The following CXCL13 variants were observed in gnomAD, a reference collection of about 807,000 sequenced individuals.
The protein encoded by CXCL13 is C-X-C motif chemokine 13.
A neutral mutation model predicts 12.2 loss-of-function variants in CXCL13; 7 were observed. That is an observed-to-expected ratio of 0.57 (90% CI 0.33 to 1.07). The LOEUF (loss-of-function observed/expected upper bound fraction) is 1.07, where lower values mean the gene tolerates loss of function less well. CXCL13 is among the 50% of genes least tolerant of loss of function. CXCL13 has a pLI of 0.04. For synonymous variants in CXCL13, 47 were observed against 42.4 expected, an observed-to-expected ratio of 1.11 and a Z score of -0.42; for missense variants, 113 against 127.4, an observed-to-expected ratio of 0.89 and a Z score of 0.55.
At chr4:77,607,865 T>G (rs1469838581) in intron 2 of CXCL13, 30 bp downstream of exon 2, 3 of 1,606,740 alleles carry the variant, frequency 1.9e-6, no homozygotes, top group Non-Finnish European at 2.6e-6. Context: ...TAAATAAGAT[T>G]TCCTTCTCCC....
At chr4:77,545,808 G>A (rs894035205) in intron 1 of CXCL13, among the ~76,000 whole-genome samples, 9 of 152,162 alleles carry the variant, frequency 5.9e-5, no homozygotes, top group Non-Finnish European at 1.0e-4. Context: ...GTGAGAGAGG[G>A]CATCCCTGTC....
intron 1 of CXCL13, among the ~76,000 whole-genome samples, chr4:77,581,410 A>C (rs1321161402): frequency 3.3e-5 from 5 of 152,140 alleles, no homozygotes; most frequent in African/African-American, 1.2e-4. Flanking sequence ...AAAATAAAGA[A>C]ATCTCCCACA....
At chr4:77,520,322 A>T (rs4522888) in intron 1 of CXCL13, among the ~76,000 whole-genome samples, 1,977 of 152,230 alleles carry the variant, frequency 0.013, 36 homozygotes, top group African/African-American at 0.029. Context: ...ACCATTTTCA[A>T]GATATTGATT....
At chr4:77,596,024 C>A (rs1434082826) in intron 1 of CXCL13, among the ~76,000 whole-genome samples, 1 of 152,190 alleles carries the variant, frequency 6.6e-6, no homozygotes, top group African/African-American at 2.4e-5. Context: ...ATTAACCACT[C>A]CCTCTGTTGA....
intron 1 of CXCL13, among the ~76,000 whole-genome samples, chr4:77,578,054 C>G (rs1456273026): frequency 6.6e-6 from 1 of 152,140 alleles, no homozygotes; most frequent in East Asian, 1.9e-4. Context: ...AGGATTGGGC[C>G]TGGGGAATGG....
intron 1 of CXCL13, among the ~76,000 whole-genome samples, chr4:77,533,242 T>C (rs1433849710): frequency 6.6e-6 from 1 of 152,254 alleles, no homozygotes; most frequent in African/African-American, 2.4e-5. Flanking sequence ...TTGTTAGTTT[T>C]CCTTCTAACA....
chr4:77,513,055 T>G (rs1724312834), intron 1 of CXCL13, among the ~76,000 whole-genome samples: 1 of 152,142 alleles, frequency 6.6e-6, no homozygotes, highest in Admixed American at 6.5e-5. Context: ...CGTGATAGTT[T>G]GCTGAGAATG....
At chr4:77,549,189 G>T (rs1420687985) in intron 1 of CXCL13, among the ~76,000 whole-genome samples, 1 of 152,172 alleles carries the variant, frequency 6.6e-6, no homozygotes, top group Non-Finnish European at 1.5e-5. Flanking sequence ...AGCTCCGTCA[G>T]GTCATTTAAG....
In CXCL13 at chr4:77,611,248, T is replaced by G. The variant is rs185836013; in HGVS notation, c.*209T>G. 109 of 437,602 alleles carry G rather than the reference T, an allele frequency of 2.5e-4. No individual in the cohort carries two copies. The highest frequency in any genetic ancestry group is 3.5e-4 in the Admixed American group (9 of 25,854). 27.1% of individuals were successfully genotyped at this position (437,602 alleles called of 1,614,324 possible). A position where few individuals can be genotyped will look rare whatever the true frequency, so the allele number is the denominator to read the frequency against. ...CTATATACACTTGGAGTTTGCATTC[T>G]TATTCATCAGGGAGGAAAGTTTCTT... On this transcript the variant is annotated 3_prime_UTR_variant, in exon 4 of 4. Transcript: ENST00000682537.
intron 1 of CXCL13, among the ~76,000 whole-genome samples, chr4:77,566,771 A>G (rs1007310376): frequency 6.6e-6 from 1 of 152,206 alleles, no homozygotes; most frequent in Non-Finnish European, 1.5e-5. Flanking sequence ...AGTAAAACTT[A>G]TTAACCAATC....
intron 1 of CXCL13, among the ~76,000 whole-genome samples, chr4:77,576,354 A>G (rs1347627188): frequency 6.6e-6 from 1 of 152,102 alleles, no homozygotes; most frequent in Admixed American, 6.5e-5. Context: ...AGTAAGTTAT[A>G]CTCCTGTGAC....
chr4:77,528,689 G>A (rs986154561), intron 1 of CXCL13, among the ~76,000 whole-genome samples: 20 of 152,168 alleles, frequency 1.3e-4, no homozygotes, highest in African/African-American at 4.8e-4. Context: ...CCCTTTGTCA[G>A]ATGAGTAGAT....
intron 1 of CXCL13, among the ~76,000 whole-genome samples, chr4:77,595,095 G>T (rs1039505617): frequency 2.4e-5 from 2 of 83,850 alleles, no homozygotes; most frequent in African/African-American, 1.0e-4. Flanking sequence ...TTGGTTTTAG[G>T]TGATTTTTTT....
upstream of CXCL13, among the ~76,000 whole-genome samples, chr4:77,605,313 A>G (rs1726974828): frequency 6.6e-6 from 1 of 152,224 alleles, no homozygotes; most frequent in African/African-American, 2.4e-5. Flanking sequence ...TAGGAAAATC[A>G]ATAGCATAAT....
Position 77,520,339 on chromosome 4 carries a change from A to G in CXCL13, c.-43+8551A>G, listed in dbSNP as rs1724559161. Reference sequence around the variant, plus strand: ...CATTTTCAAGATATTGATTCTTCCTACCCATGAGCATGGAATGTTCTTCCA... The same window carrying G: ...CATTTTCAAGATATTGATTCTTCCTGCCCATGAGCATGGAATGTTCTTCCA... On this transcript the variant is annotated intron_variant, in intron 1 of 4. Coordinates refer to the CXCL13 transcript ENST00000286758. 3.9e-5 allele frequency among the ~76,000 whole-genome samples: 6 copies of G among 152,218 alleles called. 1 individual carries two copies. In the South Asian group the frequency reaches 8.3e-4, roughly 21 times the overall value.
At chr4:77,578,641 A>T (rs1430008426) in intron 1 of CXCL13, among the ~76,000 whole-genome samples, 1 of 152,112 alleles carries the variant, frequency 6.6e-6, no homozygotes, top group African/African-American at 2.4e-5. Flanking sequence ...TGTTAGCAGG[A>T]CACCCTCTCA....
At chr4:77,596,350 G>C (rs1726747462) in intron 1 of CXCL13, among the ~76,000 whole-genome samples, 1 of 152,206 alleles carries the variant, frequency 6.6e-6, no homozygotes, top group African/African-American at 2.4e-5. Context: ...GTAGCGAAAA[G>C]GGAACACGTA....
At chr4:77,591,389 A>C (rs1475759200) in intron 1 of CXCL13, among the ~76,000 whole-genome samples, 1 of 151,796 alleles carries the variant, frequency 6.6e-6, no homozygotes, top group Non-Finnish European at 1.5e-5. Flanking sequence ...TTTCTACTAA[A>C]AAATACAAAA....
At chr4:77,538,265 A>C (rs551918627) in intron 1 of CXCL13, among the ~76,000 whole-genome samples, 1 of 151,968 alleles carries the variant, frequency 6.6e-6, no homozygotes, top group Admixed American at 6.6e-5. Context: ...ACAAAAAGAG[A>C]CTGCCTCAGA....
Sources: allele counts gnomAD v4.1 joint callset (sites outside exome capture counted in the v4.1 genomes callset), GRCh38; gene constraint gnomAD v4.1.1; transcripts MANE v1.5; gene names NCBI Gene and HGNC (gene_info 2026-07-23, HGNC 2026-07-21).